SMPDL3A: variants seen among roughly 807,000 people sequenced by gnomAD.
SMPDL3A encodes the protein cyclic GMP-AMP phosphodiesterase SMPDL3A.
In SMPDL3A, 39 loss-of-function variants were observed where a neutral mutation model predicts 38.5. The ratio of observed to expected loss-of-function variants is 1.01; its 90% CI spans 0.78 to 1.32. The LOEUF is 1.32. Among genes scored for constraint, SMPDL3A ranks in the 40% most tolerant of loss-of-function variants. SMPDL3A has a pLI of 0.00. For synonymous variants in SMPDL3A, 180 were observed against 194.3 expected, an observed-to-expected ratio of 0.93 and a Z score of 0.61; for missense variants, 502 against 536.2, an observed-to-expected ratio of 0.94 and a Z score of 0.63.
chr6:122,804,813 T>C, intron 5 of SMPDL3A, 96 bp from the exon 6 acceptor site: 1 of 1,001,376 alleles, frequency 1.0e-6, no homozygotes, highest in South Asian at 1.6e-5. Flanking sequence ...TAAATTTTAA[T>C]TAATATACTT....
rs55942738 is a variant in SMPDL3A at position 122,789,263 on chromosome 6, C to T, written c.-84C>T. On this transcript the variant is annotated 5_prime_UTR_variant, in exon 1 of 8. Coordinates refer to ENST00000368440, the MANE Select transcript of SMPDL3A (RefSeq NM_006714.5). The stretch of plus-strand genomic sequence containing the variant: ...GGACGTCTACACCCGCAGCCGTCTT[C>T]TGTCTCCGCCTCACCCTCAGGCCTG... 5.3e-4 allele frequency: 512 copies of T among 960,246 alleles called. No homozygotes were observed. Among genetic ancestry groups the T allele is most frequent in the Non-Finnish European group, 7.4e-4 (483 of 656,946 alleles). The allele number at this position is 960,246 out of a possible 1,614,324, so 59.5% of individuals were successfully genotyped here. A position where few individuals can be genotyped will look rare whatever the true frequency, so the allele number is the denominator to read the frequency against.
At chr6:122,793,877 G>C (rs914950525) in intron 1 of SMPDL3A, among the ~76,000 whole-genome samples, 1 of 152,052 alleles carries the variant, frequency 6.6e-6, no homozygotes, top group Non-Finnish European at 1.5e-5. Flanking sequence ...CATCCTACCT[G>C]TTTACTCTGT....
At chr6:122,808,870 T>A (rs1008909740) in intron 7 of SMPDL3A, among the ~76,000 whole-genome samples, 1 of 151,846 alleles carries the variant, frequency 6.6e-6, no homozygotes, top group Non-Finnish European at 1.5e-5. Flanking sequence ...TTTTTTGTAT[T>A]TTTGGTAGAG....
At position 122,809,288 on chromosome 6, in the gene SMPDL3A, T is replaced by A; in HGVS notation, c.1242T>A (p.Tyr414Ter). 6.2e-7 allele frequency: 1 copy of A among 1,613,892 alleles called. No homozygotes were observed. Among genetic ancestry groups the A allele is most frequent in the Non-Finnish European group, 8.5e-7 (1 of 1,179,726 alleles). ...ACTACAATTACTTCTTTGTGAGTTA[T>A]GACAGCAGTGTAACATGTGATAAGA... ...IKYYNYFFVS[Y>*]DSSVTCDKTC... The change falls in exon 8 of 8, where the codon TAT (tyrosine) becomes TAA (stop). Residue 414 changes from tyrosine to a stop codon, truncating the protein, a stop_gained. Transcript: ENST00000368440. LOFTEE classifies it low-confidence loss of function (END_TRUNC).
chr6:122,801,144 C>T (rs550090197), intron 3 of SMPDL3A, among the ~76,000 whole-genome samples, 166 bp from the exon 4 acceptor site: 35 of 152,164 alleles, frequency 2.3e-4, no homozygotes, highest in Non-Finnish European at 4.4e-4. Context: ...TACATTTTAT[C>T]CCCCAGTCTC....
chr6:122,809,528 C>CTT lies in SMPDL3A; in HGVS notation c.*130_*131dup. The CTT allele has an allele frequency of 7.2e-5, 38 of 526,586 alleles. No individual in the cohort carries two copies. Among genetic ancestry groups the CTT allele is most frequent in the East Asian group, 1.1e-4 (3 of 26,530 alleles). The allele number at this position is 526,586 out of a possible 1,614,324, so 32.6% of individuals were successfully genotyped here. Reference sequence around the variant, plus strand: ...CAAGTAGACTTCCTGTCTTTGCTTTCTTTTTTTTTTTCTTTTTGATGCCTT... The same window carrying CTT: ...CAAGTAGACTTCCTGTCTTTGCTTTCTTTTTTTTTTTTTCTTTTTGATGCCTT... On this transcript the variant is annotated 3_prime_UTR_variant, in exon 8 of 8. Transcript: ENST00000368440.
chr6:122,802,381 T>C (rs1340537932), intron 4 of SMPDL3A, among the ~76,000 whole-genome samples: 2 of 151,998 alleles, frequency 1.3e-5, no homozygotes, highest in Non-Finnish European at 2.9e-5. Context: ...TTTGTATTTT[T>C]AGTAGAGATA....
chr6:122,809,644 G>A lies in SMPDL3A; in HGVS notation c.*236G>A, dbSNP rs1358885183. The A allele has an allele frequency of 8.9e-6, 3 of 337,380 alleles. No homozygotes were observed. The highest frequency in any genetic ancestry group is 1.6e-5 in the Non-Finnish European group (3 of 186,866). The allele number at this position is 337,380 out of a possible 1,614,324, so 20.9% of individuals were successfully genotyped here. Reference sequence around the variant, plus strand: ...GATGTAAATTGGATGTAAATATTCAGTTTATATAATTATATCTAATTTGTA... The same window carrying A: ...GATGTAAATTGGATGTAAATATTCAATTTATATAATTATATCTAATTTGTA... On this transcript the variant is annotated 3_prime_UTR_variant, in exon 8 of 8. Coordinates refer to ENST00000368440, the MANE Select transcript of SMPDL3A (RefSeq NM_006714.5).
chr6:122,804,929 T>A lies in SMPDL3A; in HGVS notation c.759T>A (p.Val253=). ...TCCAGGTGTATATCATAGCACATGT[T>A]CCAGTGGGGTATCTGCCATCTTCAC... ...NKEKVYIIAH[V]PVGYLPSSQN... The change falls in exon 6 of 8, where the codon GTT becomes GTA. Residue 253 remains valine (V), a synonymous_variant. Coordinates refer to ENST00000368440, the MANE Select transcript of SMPDL3A (RefSeq NM_006714.5). 1 of 1,612,350 alleles carries A rather than the reference T, an allele frequency of 6.2e-7. No homozygotes were observed. The highest frequency in any genetic ancestry group is 8.5e-7 in the Non-Finnish European group (1 of 1,179,536).
chr6:122,808,604 TCCCTC>T lies in SMPDL3A; in HGVS notation c.1045-484_1045-480del, dbSNP rs1562357666. Among the ~76,000 whole-genome samples, 371 of 79,644 alleles carry T rather than the reference TCCCTC, an allele frequency of 4.7e-3. 4 individuals are homozygous for T. The highest frequency in any genetic ancestry group is 0.012 in the Middle Eastern group (2 of 172). 52.2% of individuals were successfully genotyped at this position (79,644 alleles called of 152,430 possible). On this transcript the variant is annotated intron_variant, in intron 7 of 7. Coordinates refer to ENST00000368440, the MANE Select transcript of SMPDL3A (RefSeq NM_006714.5). ...TATTGAGCCTCCCTTCCTCCCTCCC[TCCCTC>T]CCTTCCTTCCTTCCTTCCTTCCTTC...
At chr6:122,801,121 A>C (rs1427793105) in intron 3 of SMPDL3A, among the ~76,000 whole-genome samples, 189 bp from the exon 4 acceptor site, 1 of 152,136 alleles carries the variant, frequency 6.6e-6, no homozygotes, top group Admixed American at 6.5e-5. Context: ...ACATTGTCTT[A>C]TAGTTAATTG....
At chr6:122,790,044 G>A (rs952854063) in intron 1 of SMPDL3A, 1 of 171,926 alleles carries the variant, frequency 5.8e-6, no homozygotes, top group African/African-American at 2.4e-5. Context: ...GGAACTCACG[G>A]GGACTTCATT....
rs966705510 is a variant in SMPDL3A, at chr6:122,809,413, TCA to T, written c.*8_*9del. 2 of 1,583,762 alleles carry T rather than the reference TCA, an allele frequency of 1.3e-6. No individual in the cohort carries two copies. Among genetic ancestry groups the T allele is most frequent in the African/African-American group, 1.4e-5 (1 of 74,046 alleles). On this transcript the variant is annotated 3_prime_UTR_variant, in exon 8 of 8. Coordinates refer to ENST00000368440, the MANE Select transcript of SMPDL3A (RefSeq NM_006714.5). The stretch of plus-strand genomic sequence containing the variant: ...TATATAAAGCACAATTACTAGTATT[TCA>T]CAGTTTTTGCTAATAGAAAATGCTG...
chr6:122,801,109 G>C (rs1781416002), intron 3 of SMPDL3A, among the ~76,000 whole-genome samples: 1 of 152,188 alleles, frequency 6.6e-6, no homozygotes. Context: ...GTAGTGCCCA[G>C]CACATTGTCT....
At position 122,804,925 on chromosome 6, in the gene SMPDL3A, A is replaced by G; in HGVS notation, c.755A>G (p.His252Arg). 1 of 1,612,064 alleles carries G rather than the reference A, an allele frequency of 6.2e-7. No individual in the cohort carries two copies. The highest frequency in any genetic ancestry group is 8.5e-7 in the Non-Finnish European group (1 of 1,179,442). ...TTTTTCCAGGTGTATATCATAGCAC[A>G]TGTTCCAGTGGGGTATCTGCCATCT... ...QNKEKVYIIA[H>R]VPVGYLPSSQ... Residue 252 changes from histidine to arginine, a missense_variant, in exon 6 of 8, where the codon CAT (histidine) becomes CGT (arginine). Coordinates refer to ENST00000368440, the MANE Select transcript of SMPDL3A (RefSeq NM_006714.5).
intron 4 of SMPDL3A, among the ~76,000 whole-genome samples, chr6:122,801,915 C>G (rs1212488671): frequency 6.6e-6 from 1 of 152,174 alleles, no homozygotes; most frequent in African/African-American, 2.4e-5. Context: ...CTTGACACAT[C>G]ATTATGTAAA....
intron 1 of SMPDL3A, among the ~76,000 whole-genome samples, chr6:122,791,146 G>A (rs934820176): frequency 2.0e-5 from 3 of 152,066 alleles, no homozygotes. Context: ...CACCCTGCCT[G>A]GCTACTGCTT....
chr6:122,800,674 C>T (rs1441042322), intron 3 of SMPDL3A, among the ~76,000 whole-genome samples: 1 of 152,144 alleles, frequency 6.6e-6, no homozygotes, highest in East Asian at 1.9e-4. Context: ...TTGATAAAGT[C>T]CTTATTTAAG....
intron 1 of SMPDL3A, among the ~76,000 whole-genome samples, chr6:122,791,983 G>A (rs1781093207): frequency 6.6e-6 from 1 of 152,148 alleles, no homozygotes; most frequent in Non-Finnish European, 1.5e-5. Context: ...ATGAGCCACC[G>A]CGCCCGACTT....
Sources: gnomAD v4.1 joint callset for allele counts (sites outside exome capture counted in the v4.1 genomes callset) on GRCh38, gnomAD v4.1.1 for gene constraint, MANE v1.5 for transcripts, NCBI Gene and HGNC (gene_info 2026-07-23, HGNC 2026-07-21) for gene names.